Variants in ARFIP1 observed in about 807,000 individuals in gnomAD.
The protein encoded by ARFIP1 is arfaptin-1.
A neutral mutation model predicts 42.5 loss-of-function variants in ARFIP1; 24 were observed. That is an observed-to-expected ratio of 0.57 (90% CI 0.41 to 0.80). The LOEUF (loss-of-function observed/expected upper bound fraction) is 0.80, where lower values mean the gene tolerates loss of function less well. ARFIP1 is among the 30% of genes least tolerant of loss of function. The probability of loss-of-function intolerance (pLI) is 0.00; values close to 1 mark genes in which losing one functional copy is unlikely to be tolerated. For synonymous variants in ARFIP1, 141 were observed against 153.7 expected (o/e 0.92, Z 0.61); for missense variants, 354 against 434.0 (o/e 0.82, Z 1.64).
chr4:152,804,504 T>TATATA (rs1728853234), intron 1 of ARFIP1, among the ~76,000 whole-genome samples: 1 of 128,656 alleles, frequency 7.8e-6, no homozygotes, highest in Non-Finnish European at 1.6e-5. Flanking sequence ...ATATATAATA[T>TATATA]ATATATATAT....
chr4:152,841,902 C>G (rs1732112566), intron 2 of ARFIP1, among the ~76,000 whole-genome samples: 1 of 152,148 alleles, frequency 6.6e-6, no homozygotes, highest in African/African-American at 2.4e-5. Flanking sequence ...GAGGAAATCT[C>G]AACTGCACAA....
At chr4:152,873,775 C>T (rs906642037) in intron 5 of ARFIP1, among the ~76,000 whole-genome samples, 18 of 152,170 alleles carry the variant, frequency 1.2e-4, no homozygotes, top group African/African-American at 4.1e-4. Context: ...ACTACATGTT[C>T]GACCCTGCCT....
At chr4:152,835,686 A>G (rs981762843) in intron 2 of ARFIP1, among the ~76,000 whole-genome samples, 2 of 152,216 alleles carry the variant, frequency 1.3e-5, no homozygotes, top group Non-Finnish European at 2.9e-5. Context: ...TTATAGCAAT[A>G]CTTACTCCTC....
At chr4:152,906,681 A>G (rs1287939736) in intron 8 of ARFIP1, among the ~76,000 whole-genome samples, 3 of 152,162 alleles carry the variant, frequency 2.0e-5, no homozygotes, top group East Asian at 3.8e-4. Context: ...CTTAGAACCT[A>G]CCAGTAGCTT....
rs1731134484 is a variant in ARFIP1 at position 152,829,852 on chromosome 4, T to C, written c.93+126T>C. 18 of 706,734 alleles carry C rather than the reference T, an allele frequency of 2.5e-5. No homozygotes were observed. In the East Asian group the frequency reaches 5.1e-4, roughly 20 times the overall value. The allele number at this position is 706,734 out of a possible 1,614,324, so 43.8% of individuals were successfully genotyped here. A position where few individuals can be genotyped will look rare whatever the true frequency, so the allele number is the denominator to read the frequency against. On this transcript the variant is annotated intron_variant, in intron 2 of 8. Transcript: ENST00000353617. ...AGATTGGCTTCAGTCAGGAATCTAA[T>C]GTTATTATATAGGGATGACAAGGAA...
At chr4:152,907,356 T>TAAAC (rs10680692) in intron 8 of ARFIP1, among the ~76,000 whole-genome samples, 103,046 of 151,516 alleles carry the variant, frequency 0.68, 35,421 homozygotes, top group African/African-American at 0.77. Flanking sequence ...TCTTTTTTAA[T>TAAAC]AAAAGAATGT....
At chr4:152,827,323 C>G (rs1430714551) in intron 1 of ARFIP1, among the ~76,000 whole-genome samples, 5 of 152,110 alleles carry the variant, frequency 3.3e-5, no homozygotes, top group African/African-American at 1.2e-4. Context: ...CAGAGAGTTC[C>G]CCTGTACTGC....
At chr4:152,872,656 A>T (rs1346488718) in intron 5 of ARFIP1, 92 bp downstream of exon 5, 1 of 627,378 alleles carries the variant, frequency 1.6e-6, no homozygotes, top group Non-Finnish European at 2.6e-6. Flanking sequence ...TTAAATGCAC[A>T]TAGAGAAGAG....
At chr4:152,815,769 G>T (rs1199021015) in intron 1 of ARFIP1, among the ~76,000 whole-genome samples, 2 of 132,454 alleles carry the variant, frequency 1.5e-5, no homozygotes, top group African/African-American at 5.6e-5. Context: ...TTTTGAGACG[G>T]AGTCTCGCTC....
intron 3 of ARFIP1, among the ~76,000 whole-genome samples, chr4:152,865,700 A>T (rs1734269651): frequency 1.3e-5 from 2 of 152,270 alleles, no homozygotes; most frequent in South Asian, 4.1e-4. Flanking sequence ...GCATTCTTAT[A>T]TCAGGGATAA....
intron 1 of ARFIP1, among the ~76,000 whole-genome samples, chr4:152,787,181 A>G (rs1730860158): frequency 6.6e-6 from 1 of 152,218 alleles, no homozygotes; most frequent in African/African-American, 2.4e-5. Flanking sequence ...TTCCAAGTTA[A>G]TGGTATTAAG....
chr4:152,823,529 C>T (rs924284617), intron 1 of ARFIP1, among the ~76,000 whole-genome samples: 3 of 152,112 alleles, frequency 2.0e-5, no homozygotes, highest in African/African-American at 4.8e-5. Context: ...GCCTGTAATC[C>T]CAGCCCTTTG....
In ARFIP1 at chr4:152,881,309, A is replaced by G. The variant is rs1735830058; in HGVS notation, c.633+125A>G. On this transcript the variant is annotated intron_variant, in intron 6 of 8. Transcript: ENST00000353617. ...GATGGAATTCTGAGATTCTCTTTTAAGATATTTCATATCACTTTAAGAAGG... is the reference window on the plus strand; with the variant it reads ...GATGGAATTCTGAGATTCTCTTTTAGGATATTTCATATCACTTTAAGAAGG... 5.2e-6 allele frequency: 4 copies of G among 762,052 alleles called. No homozygotes were observed. The South Asian group carries it at 8.4e-5, about 16-fold the overall frequency. 47.2% of individuals were successfully genotyped at this position (762,052 alleles called of 1,614,324 possible). A position where few individuals can be genotyped will look rare whatever the true frequency, so the allele number is the denominator to read the frequency against.
At chr4:152,814,238 G>T (rs560675562) in intron 1 of ARFIP1, among the ~76,000 whole-genome samples, 2 of 151,814 alleles carry the variant, frequency 1.3e-5, no homozygotes, top group East Asian at 3.9e-4. Flanking sequence ...CCACAGGTGC[G>T]CACCACCATG....
chr4:152,837,737 A>G (rs1731768910), intron 2 of ARFIP1, among the ~76,000 whole-genome samples: 1 of 152,012 alleles, frequency 6.6e-6, no homozygotes, highest in Admixed American at 6.6e-5. Flanking sequence ...TTGTCTGTTT[A>G]CTCTGCTGAC....
intron 1 of ARFIP1, among the ~76,000 whole-genome samples, chr4:152,789,108 T>TTG (rs1561096806): frequency 7.5e-5 from 10 of 133,698 alleles, no homozygotes; most frequent in African/African-American, 2.5e-4. Context: ...TTTTTTTTTT[T>TTG]GAGGTAGAGT....
intron 2 of ARFIP1, among the ~76,000 whole-genome samples, chr4:152,833,713 C>A (rs1011150681): frequency 6.6e-6 from 1 of 152,160 alleles, no homozygotes. Flanking sequence ...AGGAAGAAAT[C>A]CTACCATTTG....
chr4:152,882,566 G>A (rs1305992616), intron 6 of ARFIP1, among the ~76,000 whole-genome samples, 157 bp from the exon 7 acceptor site: 6 of 152,176 alleles, frequency 3.9e-5, no homozygotes, highest in Non-Finnish European at 5.9e-5. Flanking sequence ...ATGGCTAGCT[G>A]TGATTTCGAT....
At chr4:152,841,277 G>A (rs546760190) in intron 2 of ARFIP1, among the ~76,000 whole-genome samples, 2 of 151,880 alleles carry the variant, frequency 1.3e-5, no homozygotes, top group Non-Finnish European at 2.9e-5. Context: ...CTCGTGATCC[G>A]CCCCCCTCAG....
Sources: gnomAD v4.1 joint callset for allele counts (sites outside exome capture counted in the v4.1 genomes callset) on GRCh38, gnomAD v4.1.1 for gene constraint, MANE v1.5 for transcripts, NCBI Gene and HGNC (gene_info 2026-07-23, HGNC 2026-07-21) for gene names.